The following DPP10 variants were observed in gnomAD, a reference collection of about 807,000 sequenced individuals.
DPP10 encodes dipeptidyl peptidase like 10.
A neutral mutation model predicts 120.9 loss-of-function variants in DPP10; 33 were observed. The ratio of observed to expected loss-of-function variants is 0.27; its 90% CI spans 0.21 to 0.37. DPP10 has a LOEUF of 0.37. DPP10 is among the 10% of genes least tolerant of loss of function. The pLI is 1.00. For synonymous variants in DPP10, 337 were observed against 326.1 expected (o/e 1.03, Z -0.36); for missense variants, 816 against 942.8 (o/e 0.87, Z 1.76).
At chr2:115,744,723 T>C (rs62155344) in intron 9 of DPP10, among the ~76,000 whole-genome samples, 12,687 of 150,434 alleles carry the variant, frequency 0.084, 1,080 homozygotes, top group Non-Finnish European at 0.12. Flanking sequence ...CTGGCTACTG[T>C]TGGCATATAT....
At chr2:114,557,933 T>C (rs1384646572) in intron 1 of DPP10, among the ~76,000 whole-genome samples, 2 of 152,178 alleles carry the variant, frequency 1.3e-5, no homozygotes, top group African/African-American at 4.8e-5. Context: ...GAATTCTTTT[T>C]CCAAATGTTC....
Position 115,739,853 on chromosome 2 carries a change from G to A in DPP10, c.812G>A (p.Gly271Glu), listed in dbSNP as rs760213478. The change falls in exon 9 of 26, where the codon GGA becomes GAA. Residue 271 changes from glycine to glutamate, a missense_variant. Physicochemically the swap from Gly to Glu is moderately conservative, Grantham distance 98. Around this residue, in one of 3 missense-constraint regions of DPP10, gnomAD observed 592 missense variants for 649.0 expected, o/e 0.91. Coordinates refer to ENST00000410059, the MANE Select transcript of DPP10 (RefSeq NM_020868.6). ...VPTMVIPRFT[G>E]ALYPKGKQYP... ...ACCATGGTTATCCCTCGGTTTACTG[G>A]AGCGTTGTATCCCAAAGGAAAGCAG... is the stretch of plus-strand genomic sequence containing the variant. The A allele has an allele frequency of 6.2e-7, 1 of 1,613,508 alleles. No individual in the cohort carries two copies. The highest frequency in any genetic ancestry group is 8.5e-7 in the Non-Finnish European group (1 of 1,179,546).
intron 12 of DPP10, among the ~76,000 whole-genome samples, chr2:115,764,695 C>T (rs1454822328): frequency 6.6e-6 from 1 of 151,942 alleles, no homozygotes; most frequent in Non-Finnish European, 1.5e-5. Context: ...TTTTAAAAAA[C>T]AAAGCATCCA....
chr2:114,968,382 C>A (rs35813148), intron 1 of DPP10, among the ~76,000 whole-genome samples: 39,000 of 152,070 alleles, frequency 0.26, 5,059 homozygotes, highest in East Asian at 0.34. Flanking sequence ...TTTTAATAGG[C>A]ATATCATTAT....
intron 1 of DPP10, among the ~76,000 whole-genome samples, chr2:114,955,124 C>T (rs1698102345): frequency 6.6e-6 from 1 of 152,134 alleles, no homozygotes; most frequent in Non-Finnish European, 1.5e-5. Context: ...AGAGAAGCCC[C>T]GAGGGCTGCT....
intron 3 of DPP10, among the ~76,000 whole-genome samples, chr2:115,485,108 G>C (rs1440066622): frequency 1.3e-5 from 2 of 151,836 alleles, no homozygotes; most frequent in East Asian, 3.9e-4. Context: ...TTGTATAATA[G>C]CTGTTTACAG....
intron 11 of DPP10, among the ~76,000 whole-genome samples, chr2:115,754,326 A>T (rs185371394): frequency 2.0e-5 from 3 of 152,182 alleles, no homozygotes; most frequent in African/African-American, 7.2e-5. Flanking sequence ...ATTAGGCTCA[A>T]TGCTTAGCTG....
At chr2:115,271,061 C>A (rs72955576) in intron 1 of DPP10, among the ~76,000 whole-genome samples, 7,850 of 152,214 alleles carry the variant, frequency 0.052, 653 homozygotes, top group African/African-American at 0.18. Context: ...GCTCTTTCCA[C>A]CACATAATAG....
chr2:115,300,228 T>G (rs541192065), intron 1 of DPP10, among the ~76,000 whole-genome samples: 1 of 152,184 alleles, frequency 6.6e-6, no homozygotes, highest in South Asian at 2.1e-4. Context: ...ACTTCCCATT[T>G]TTTCCTCTCT....
At chr2:115,754,945 T>A (rs1679210203) in intron 11 of DPP10, among the ~76,000 whole-genome samples, 1 of 151,994 alleles carries the variant, frequency 6.6e-6, no homozygotes, top group Non-Finnish European at 1.5e-5. Flanking sequence ...CAATAAAAAA[T>A]TAAAAATCAA....
chr2:115,703,345 T>C (rs2149540134), intron 7 of DPP10, among the ~76,000 whole-genome samples: 1 of 152,142 alleles, frequency 6.6e-6, no homozygotes, highest in Middle Eastern at 3.4e-3. Context: ...GTATGTCAAG[T>C]GTATCAGTTA....
chr2:115,798,096 G>A (rs1387644675), intron 19 of DPP10, among the ~76,000 whole-genome samples: 1 of 151,656 alleles, frequency 6.6e-6, no homozygotes, highest in Non-Finnish European at 1.5e-5. Flanking sequence ...AATGATATGG[G>A]CTTATTAATA....
At chr2:114,810,599 A>T (rs923672518) in intron 1 of DPP10, among the ~76,000 whole-genome samples, 1 of 152,220 alleles carries the variant, frequency 6.6e-6, no homozygotes, top group African/African-American at 2.4e-5. Flanking sequence ...CAAAAGGCAC[A>T]TTTTCCAGCA....
intron 1 of DPP10, among the ~76,000 whole-genome samples, chr2:114,915,570 C>G (rs1694744744): frequency 6.6e-6 from 1 of 152,148 alleles, no homozygotes; most frequent in Non-Finnish European, 1.5e-5. Flanking sequence ...GGCACATAAT[C>G]TAAAATCAAT....
At chr2:115,088,750 C>CAAAAAAAAA (rs70941027) in intron 1 of DPP10, among the ~76,000 whole-genome samples, 3,546 of 64,556 alleles carry the variant, frequency 0.055, 366 homozygotes, top group East Asian at 0.079. Flanking sequence ...CTGTGCCTGA[C>CAAAAAAAAA]AAAAAAAAAA....
chr2:115,471,662 C>G (rs2074728000), intron 3 of DPP10, among the ~76,000 whole-genome samples: 1 of 151,846 alleles, frequency 6.6e-6, no homozygotes, highest in African/African-American at 2.4e-5. Context: ...TCATTGCTCA[C>G]TGCAGCCTCT....
chr2:115,448,737 AT>A (rs1440955017), intron 3 of DPP10, among the ~76,000 whole-genome samples: 2 of 152,146 alleles, frequency 1.3e-5, no homozygotes, highest in African/African-American at 4.8e-5. Flanking sequence ...GCTCATGAAA[AT>A]GCATAGGTAA....
At chr2:114,537,508 T>G (rs1385508635) in intron 1 of DPP10, among the ~76,000 whole-genome samples, 1 of 152,190 alleles carries the variant, frequency 6.6e-6, no homozygotes, top group South Asian at 2.1e-4. Flanking sequence ...GAGACTTTTT[T>G]TTTTGGTCCC....
At chr2:114,477,643 A>G (rs1282882316) in intron 1 of DPP10, among the ~76,000 whole-genome samples, 1 of 151,152 alleles carries the variant, frequency 6.6e-6, no homozygotes, top group Non-Finnish European at 1.5e-5. Context: ...AAAATTAGCC[A>G]GTGTGGTGGT....
Sources: gnomAD v4.1 joint callset for allele counts (sites outside exome capture counted in the v4.1 genomes callset) on GRCh38, gnomAD v4.1.1 for gene constraint, gnomAD v4.1.1 regional missense constraint, MANE v1.5 for transcripts, NCBI Gene and HGNC (gene_info 2026-07-23, HGNC 2026-07-21) for gene names.